FLNB: variants seen among roughly 807,000 people sequenced by gnomAD.
FLNB encodes filamin B, also known as filamin-B.
Under a neutral mutation model 250.6 loss-of-function variants are expected in FLNB, and 111 were observed. That is an observed-to-expected ratio of 0.44 (90% CI 0.38 to 0.52). The LOEUF (loss-of-function observed/expected upper bound fraction) is 0.52. FLNB is among the 20% of genes least tolerant of loss of function. FLNB has a pLI of 0.00. For synonymous variants in FLNB, 1,302 were observed against 1,372.1 expected, an observed-to-expected ratio of 0.95 and a Z score of 1.13; for missense variants, 2,869 against 3,447.8, an observed-to-expected ratio of 0.83 and a Z score of 4.20.
intron 1 of FLNB, among the ~76,000 whole-genome samples, chr3:58,026,196 G>A (rs2097123387): frequency 6.6e-6 from 1 of 152,174 alleles, no homozygotes; most frequent in Non-Finnish European, 1.5e-5. Flanking sequence ...ACAGGTGGGG[G>A]ACTGCCAGGG....
intron 20 of FLNB, 37 bp from the exon 21 acceptor site, chr3:58,123,056 T>C (rs749652918): frequency 1.3e-6 from 2 of 1,566,236 alleles, no homozygotes; most frequent in African/African-American, 2.7e-5. Flanking sequence ...TGAGCAGCGA[T>C]CCCAGTGCAG....
intron 1 of FLNB, among the ~76,000 whole-genome samples, chr3:58,011,357 AT>A (rs1166039563): frequency 1.3e-5 from 2 of 151,596 alleles, no homozygotes; most frequent in Admixed American, 1.3e-4. Context: ...CTTGCATTCT[AT>A]TTTTTTCCTT....
chr3:58,059,593 G>T (rs1210152855), intron 1 of FLNB, among the ~76,000 whole-genome samples: 1 of 152,222 alleles, frequency 6.6e-6, no homozygotes, highest in African/African-American at 2.4e-5. Flanking sequence ...GGTGGATGGG[G>T]TGATGCCTTG....
At position 58,150,674 on chromosome 3, in the gene FLNB, C is replaced by T. The variant is rs181471592; in HGVS notation, c.6367+447C>T. The T allele has an allele frequency of 6.2e-5, 15 of 240,604 alleles. No individual in the cohort carries two copies. In the East Asian group the frequency reaches 1.4e-3, roughly 22 times the overall value. 14.9% of individuals were successfully genotyped at this position (240,604 alleles called of 1,614,324 possible). A position where few individuals can be genotyped will look rare whatever the true frequency, so the allele number is the denominator to read the frequency against. On this transcript the variant is annotated intron_variant, in intron 38 of 45. Coordinates refer to ENST00000295956, the MANE Select transcript of FLNB (RefSeq NM_001457.4). ...CTGTGCTGCAGAACTCGCTGGGCCA[C>T]ATCTAGCCCTTTGGTGGTGAATTGT...
At chr3:58,011,018 G>T (rs1051827608) in intron 1 of FLNB, among the ~76,000 whole-genome samples, 6 of 152,096 alleles carry the variant, frequency 3.9e-5, no homozygotes, top group Non-Finnish European at 8.8e-5. Context: ...GGGTTCAAGC[G>T]ATTCTTCTGC....
At position 58,149,871 on chromosome 3, in the gene FLNB, C is replaced by T. The variant is rs1331290850; in HGVS notation, c.6113C>T (p.Ala2038Val). Reference protein sequence around the residue: ...RDAGYGGISLAVEGPSKVDIQ... With the variant: ...RDAGYGGISLVVEGPSKVDIQ... ...GCAGGTTATGGTGGCATATCCTTGG[C>T]GGTGGAAGGCCCCAGCAAAGTGGAC... The change falls in exon 37 of 46, where the codon GCG becomes GTG. Residue 2038 changes from alanine to valine, a missense_variant. By Grantham distance (64) the Ala-to-Val change is moderately conservative (BLOSUM62 0). This residue lies in a region of FLNB where 1,084 missense variants were observed against 1,315.5 expected (regional missense o/e 0.82). Coordinates refer to ENST00000295956, the MANE Select transcript of FLNB (RefSeq NM_001457.4). The T allele has an allele frequency of 6.8e-6, 11 of 1,614,090 alleles. No individual in the cohort carries two copies. Among genetic ancestry groups the T allele is most frequent in the African/African-American group, 2.7e-5 (2 of 74,932 alleles).
intron 1 of FLNB, among the ~76,000 whole-genome samples, chr3:58,036,671 T>A (rs113071168): frequency 0.036 from 5,486 of 152,292 alleles, 315 homozygotes; most frequent in African/African-American, 0.13. Flanking sequence ...TAATTTCTAA[T>A]CTTGTAGCTA....
rs1276780260 is a variant in FLNB, at chr3:58,126,477, T to G, written c.4062-125T>G. ...AATGTGAAATTCCCTATGTGAGAGG[T>G]GTAGTAATTGAGTTGGGGTGGCTAC... On this transcript the variant is annotated intron_variant, in intron 23 of 45. Coordinates refer to ENST00000295956, the MANE Select transcript of FLNB (RefSeq NM_001457.4). 2.3e-5 allele frequency: 18 copies of G among 789,876 alleles called. No individual in the cohort carries two copies. The East Asian group carries it at 2.5e-4, about 11-fold the overall frequency. The allele number at this position is 789,876 out of a possible 1,614,324, so 48.9% of individuals were successfully genotyped here.
At chr3:58,148,454 C>T in intron 35 of FLNB, 90 bp downstream of exon 35, 1 of 1,462,280 alleles carries the variant, frequency 6.8e-7, no homozygotes. Flanking sequence ...ATGGGTAGCA[C>T]AATGGAGTGT....
rs867365688 is a variant in FLNB, at chr3:58,105,125, C to T, written c.1656C>T (p.Val552=). The change falls in exon 11 of 46, where the codon GTC becomes GTT. Residue 552 remains valine, a synonymous_variant. Transcript: ENST00000295956. Reference sequence around the variant, plus strand: ...GCCCTGAAGCGGGTATGCAGAAAGTCCGTGCTTGGGGCCCTGGGCTCCATG... The same window carrying T: ...GCCCTGAAGCGGGTATGCAGAAAGTTCGTGCTTGGGGCCCTGGGCTCCATG... ...QVGPEAGMQK[V]RAWGPGLHGG... is the part of the protein sequence containing the mutation. 1 of 1,614,240 alleles carries T rather than the reference C, an allele frequency of 6.2e-7. No individual in the cohort carries two copies. Among genetic ancestry groups the T allele is most frequent in the Non-Finnish European group, 8.5e-7 (1 of 1,180,048 alleles).
intron 18 of FLNB, among the ~76,000 whole-genome samples, chr3:58,113,105 G>A (rs556750996): frequency 1.3e-5 from 2 of 152,276 alleles, no homozygotes; most frequent in South Asian, 2.1e-4. Context: ...AGTGTTAAGT[G>A]CATTCATTAT....
In FLNB at chr3:58,148,280, C is replaced by T; in HGVS notation, c.5803C>T (p.Leu1935Phe). 1 of 1,614,180 alleles carries T rather than the reference C, an allele frequency of 6.2e-7. No individual in the cohort carries two copies. The highest frequency in any genetic ancestry group is 8.5e-7 in the Non-Finnish European group (1 of 1,180,026). ...DFLLDISETD[L>F]SSLTASIKAP... is the part of the protein sequence containing the mutation. ...CCTGCTCGACATCAGTGAGACTGACCTCAGCAGCCTGACGGCCAGCATTAA... is the reference window on the plus strand; with the variant it reads ...CCTGCTCGACATCAGTGAGACTGACTTCAGCAGCCTGACGGCCAGCATTAA... Residue 1935 changes from leucine to phenylalanine, a missense_variant, in exon 35 of 46, where the codon CTC (leucine) becomes TTC (phenylalanine). Coordinates refer to ENST00000295956, the MANE Select transcript of FLNB (RefSeq NM_001457.4).
At chr3:58,153,319 G>A in intron 38 of FLNB, 56 bp from the exon 39 acceptor site, 1 of 1,606,576 alleles carries the variant, frequency 6.2e-7, no homozygotes, top group Non-Finnish European at 8.5e-7. Flanking sequence ...GTCCTGCCCT[G>A]TCTCAGGCCC....
In FLNB at chr3:58,124,625, A is replaced by C. The variant is rs2097294616; in HGVS notation, c.3898+120A>C. On this transcript the variant is annotated intron_variant, in intron 22 of 45. Transcript: ENST00000295956. ...GGCCTGTCTCAGCAGGGCCACGTGC[A>C]GAGTGACAGAGTGGAAGTCAGCGTC... is the stretch of plus-strand genomic sequence containing the variant. 1.4e-5 allele frequency: 15 copies of C among 1,037,060 alleles called. No individual in the cohort carries two copies. The South Asian group carries it at 1.8e-4, about 12-fold the overall frequency. 64.2% of individuals were successfully genotyped at this position (1,037,060 alleles called of 1,614,324 possible).
At chr3:58,062,056 AC>A (rs1355885541) in intron 1 of FLNB, among the ~76,000 whole-genome samples, 2 of 152,190 alleles carry the variant, frequency 1.3e-5, no homozygotes, top group Non-Finnish European at 2.9e-5. Flanking sequence ...ATGCCACTGC[AC>A]TCCAGCCTGG....
intron 1 of FLNB, among the ~76,000 whole-genome samples, chr3:58,010,588 G>C (rs1218696321): frequency 6.6e-6 from 1 of 152,192 alleles, no homozygotes; most frequent in East Asian, 1.9e-4. Context: ...TCAGAAACCA[G>C]CCTCCCCTCT....
chr3:58,117,818 C>G (rs2097281433), intron 18 of FLNB, among the ~76,000 whole-genome samples: 1 of 150,132 alleles, frequency 6.7e-6, no homozygotes, highest in South Asian at 2.1e-4. Flanking sequence ...TGGCCTTTAC[C>G]CCCTTCCTTA....
chr3:58,100,176 C>G (rs1438566577), intron 8 of FLNB, among the ~76,000 whole-genome samples: 1 of 151,876 alleles, frequency 6.6e-6, no homozygotes, highest in Non-Finnish European at 1.5e-5. Flanking sequence ...AAGCAAAGCT[C>G]TTTTTTACAT....
chr3:58,162,990 G>A, intron 42 of FLNB, 164 bp from the exon 43 acceptor site: 1 of 706,436 alleles, frequency 1.4e-6, no homozygotes, highest in Non-Finnish European at 2.5e-6. Context: ...GGATACCCAG[G>A]GGGTCTGTCT....
Sources: gnomAD v4.1 joint callset for allele counts (sites outside exome capture counted in the v4.1 genomes callset) on GRCh38, gnomAD v4.1.1 for gene constraint, gnomAD v4.1.1 regional missense constraint, MANE v1.5 for transcripts, NCBI Gene and HGNC (gene_info 2026-07-23, HGNC 2026-07-21) for gene names.